PGAP2: variants seen among roughly 807,000 people sequenced by gnomAD.
The protein encoded by PGAP2 is post-GPI attachment to proteins 2, also known as acyltransferase PGAP2.
PGAP2 carries 21 observed loss-of-function variants against 33.2 expected under a neutral mutation model. The ratio of observed to expected loss-of-function variants is 0.63; its 90% CI spans 0.45 to 0.91. PGAP2 has a LOEUF of 0.91. PGAP2 is among the 40% of genes least tolerant of loss of function. The pLI is 0.00. For synonymous variants in PGAP2, 161 were observed against 172.9 expected (o/e 0.93, Z 0.54); for missense variants, 345 against 424.0 (o/e 0.81, Z 1.64).
At position 3,825,080 on chromosome 11, in the gene PGAP2, T is replaced by A. The variant is rs761228495; in HGVS notation, c.769T>A (p.Ser257Thr). 3.1e-6 allele frequency: 5 copies of A among 1,614,022 alleles called. No individual in the cohort carries two copies. The East Asian group carries it at 1.1e-4, about 36-fold the overall frequency. Reference protein sequence around the residue: ...LFIINFISFFSALAVYFRHNM... With the variant: ...LFIINFISFFTALAVYFRHNM... ...CATCATCAACTTCATCTCCTTCTTC[T>A]CGGCGCTGGCTGTCTACTTTCGGCA... is the stretch of plus-strand genomic sequence containing the variant. The change falls in exon 6 of 7, where the codon TCG becomes ACG. Residue 257 changes from serine (S) to threonine (T), a missense_variant. Physicochemically the swap from Ser to Thr is moderately conservative, Grantham distance 58. Coordinates refer to ENST00000278243, the MANE Select transcript of PGAP2 (RefSeq NM_014489.4).
At position 3,826,262 on chromosome 11, in the gene PGAP2, C is replaced by G. The variant is rs1036479917; in HGVS notation, c.*804C>G. The G allele has an allele frequency of 1.3e-5, 2 of 152,200 alleles. No individual in the cohort carries two copies. The highest frequency in any genetic ancestry group is 2.9e-5 in the Non-Finnish European group (2 of 68,034). The allele number at this position is 152,200 out of a possible 1,614,324, so 9.4% of individuals were successfully genotyped here. A position where few individuals can be genotyped will look rare whatever the true frequency, so the allele number is the denominator to read the frequency against. On this transcript the variant is annotated 3_prime_UTR_variant, in exon 7 of 7. Transcript: ENST00000278243. ...AGATCTCTACTGTAAAATGGGCTCC[C>G]TGGTATCTCCTGTCTTCCCTACTGC...
intron 2 of PGAP2, among the ~76,000 whole-genome samples, chr11:3,814,909 T>C (rs1486458823): frequency 6.7e-6 from 1 of 149,738 alleles, no homozygotes; most frequent in Non-Finnish European, 1.5e-5. Context: ...TCCCTTGCCC[T>C]TTCCCTTTCC....
In PGAP2 at chr11:3,824,392, A is replaced by G; in HGVS notation, c.708+16A>G. On this transcript the variant is annotated intron_variant, in intron 5 of 6. Coordinates refer to ENST00000278243, the MANE Select transcript of PGAP2 (RefSeq NM_014489.4). ...AAGTCAGGAGGTACGGTCTATCCCT[A>G]GCGGGGGCTCCAAGGCAGCCCAGAA... is the stretch of plus-strand genomic sequence containing the variant. 6.2e-7 allele frequency: 1 copy of G among 1,614,160 alleles called. No homozygotes were observed. Among genetic ancestry groups the G allele is most frequent in the African/African-American group, 1.3e-5 (1 of 75,046 alleles).
intron 1 of PGAP2, among the ~76,000 whole-genome samples, chr11:3,798,489 C>G (rs2082907665): frequency 6.6e-6 from 1 of 151,900 alleles, no homozygotes; most frequent in African/African-American, 2.4e-5. Context: ...GCCACCAGGC[C>G]CAGCTAATTT....
At position 3,822,148 on chromosome 11, in the gene PGAP2, A is replaced by C. The variant is rs373950623; in HGVS notation, c.349-1735A>C. 2.7e-3 allele frequency among the ~76,000 whole-genome samples: 404 copies of C among 149,832 alleles called. 4 individuals are homozygous for C. Among genetic ancestry groups the C allele is most frequent in the African/African-American group, 9.5e-3 (387 of 40,654 alleles). The stretch of plus-strand genomic sequence containing the variant: ...GGGAGGCCGAGGTGGGCGGATCACG[A>C]GGTCAGGAGATTGAGACCATCCTGG... On this transcript the variant is annotated intron_variant, in intron 3 of 6. Coordinates refer to ENST00000278243, the MANE Select transcript of PGAP2 (RefSeq NM_014489.4).
chr11:3,825,059 ATCAACT>A lies in PGAP2; in HGVS notation c.752_757del (p.Asn251_Phe252del). 6.2e-7 allele frequency: 1 copy of A among 1,614,134 alleles called. No individual in the cohort carries two copies. Among genetic ancestry groups the A allele is most frequent in the Non-Finnish European group, 8.5e-7 (1 of 1,180,026 alleles). On this transcript the variant is annotated inframe_deletion, in exon 6 of 7. Coordinates refer to ENST00000278243, the MANE Select transcript of PGAP2 (RefSeq NM_014489.4). ...CAGCTGGAAACAGCGGCTCTTCATC[ATCAACT>A]TCATCTCCTTCTTCTCGGCGCTGGC...
intron 5 of PGAP2, 184 bp from the exon 6 acceptor site, chr11:3,824,836 C>T (rs886409078): frequency 4.2e-6 from 6 of 1,438,658 alleles, no homozygotes; most frequent in African/African-American, 1.4e-5. Flanking sequence ...GCCCATCACT[C>T]CCCCAGAGGC....
At chr11:3,799,974 A>T (rs1405549082) in intron 1 of PGAP2, among the ~76,000 whole-genome samples, 1 of 152,234 alleles carries the variant, frequency 6.6e-6, no homozygotes, top group East Asian at 1.9e-4. Context: ...ACTGGGGGAA[A>T]AAAAAGGTGG....
At chr11:3,823,767 C>A (rs1590410632) in intron 3 of PGAP2, 116 bp from the exon 4 acceptor site, 2 of 1,598,906 alleles carry the variant, frequency 1.3e-6, no homozygotes, top group Non-Finnish European at 1.7e-6. Context: ...AGGAGGACTT[C>A]TTGGAAGGGG....
upstream of PGAP2, chr11:3,808,193 G>A (rs921166424): frequency 2.0e-6 from 3 of 1,494,860 alleles, no homozygotes; most frequent in Non-Finnish European, 2.7e-6. Context: ...AGAAGGGCGA[G>A]GCTGGATAGT....
In PGAP2 at chr11:3,825,102, G is replaced by A. The variant is rs752888891; in HGVS notation, c.791G>A (p.Arg264Gln). ...TTCTCGGCGCTGGCTGTCTACTTTCGGCACAACATGTATTGTGAGGCTGGA... is the reference window on the plus strand; with the variant it reads ...TTCTCGGCGCTGGCTGTCTACTTTCAGCACAACATGTATTGTGAGGCTGGA... ...SFFSALAVYF[R>Q]HNMYCEAGVY... Residue 264 changes from arginine to glutamine, a missense_variant, in exon 6 of 7, where the codon CGG becomes CAG. By Grantham distance (43) the Arg-to-Gln change is conservative. Coordinates refer to ENST00000278243, the MANE Select transcript of PGAP2 (RefSeq NM_014489.4). 5.0e-6 allele frequency: 8 copies of A among 1,614,108 alleles called. No homozygotes were observed. The highest frequency in any genetic ancestry group is 2.2e-5 in the South Asian group (2 of 91,064).
chr11:3,797,986 A>C (rs1391553996), intron 1 of PGAP2: 1 of 1,544,244 alleles, frequency 6.5e-7, no homozygotes, highest in African/African-American at 1.4e-5. Flanking sequence ...TGGCATGGTA[A>C]CTATTCGACC....
In PGAP2 at chr11:3,826,117, A is replaced by G. The variant is rs924858201; in HGVS notation, c.*659A>G. On this transcript the variant is annotated 3_prime_UTR_variant, in exon 7 of 7. Transcript: ENST00000278243. ...CGGGTGGAGGTGGTGTTCTATACCT[A>G]AAGGATGACCTGCTCCAGAAACAGC... is the stretch of plus-strand genomic sequence containing the variant. 5 of 152,354 alleles carry G rather than the reference A, an allele frequency of 3.3e-5. No individual in the cohort carries two copies. The highest frequency in any genetic ancestry group is 5.9e-5 in the Non-Finnish European group (4 of 68,210). The allele number at this position is 152,354 out of a possible 1,614,324, so 9.4% of individuals were successfully genotyped here.
At chr11:3,823,024 CTTTTTTTTTTTT>C (rs746736798) in intron 3 of PGAP2, 8,686 of 307,104 alleles carry the variant, frequency 0.028, 122 homozygotes, top group African/African-American at 0.16. Flanking sequence ...TTTTTCTTTT[CTTTTTTTTTTTT>C]TTTTTTTTTT....
intron 1 of PGAP2, among the ~76,000 whole-genome samples, chr11:3,802,763 C>T (rs1249213589): frequency 6.6e-6 from 1 of 151,978 alleles, no homozygotes; most frequent in Non-Finnish European, 1.5e-5. Flanking sequence ...AGTTATTTAA[C>T]CCTTCTCTGC....
At chr11:3,810,218 C>A (rs756583072) in intron 1 of PGAP2, among the ~76,000 whole-genome samples, 1 of 152,180 alleles carries the variant, frequency 6.6e-6, no homozygotes, top group Non-Finnish European at 1.5e-5. Flanking sequence ...CCTTTTCTTC[C>A]TCCTGTGAAC....
intron 3 of PGAP2, chr11:3,817,978 G>T (rs963477250): frequency 1.5e-5 from 6 of 398,856 alleles, no homozygotes; most frequent in Non-Finnish European, 2.5e-5. Flanking sequence ...GCTGGGAGGT[G>T]GACATTTCAG....
chr11:3,797,828 C>G (rs745886822), exon 1 of PGAP2: 1 of 1,549,844 alleles, frequency 6.5e-7, no homozygotes, highest in East Asian at 2.5e-5. Context: ...CAGGGCCTCT[C>G]GAAGTGGGCT....
intron 3 of PGAP2, 28 bp from the exon 4 acceptor site, chr11:3,823,855 G>C (rs2089460846): frequency 6.3e-7 from 1 of 1,597,964 alleles, no homozygotes; most frequent in Non-Finnish European, 8.5e-7. Context: ...GGCAGAGGCA[G>C]ATGCCCAGAC....
Sources: gnomAD v4.1 joint callset for allele counts (sites outside exome capture counted in the v4.1 genomes callset) on GRCh38, gnomAD v4.1.1 for gene constraint, MANE v1.5 for transcripts, NCBI Gene and HGNC (gene_info 2026-07-23, HGNC 2026-07-21) for gene names.